The following GINM1 variants were observed in gnomAD, a reference collection of about 807,000 sequenced individuals.
GINM1 encodes glycosylated integral membrane protein 1, also known as glycoprotein integral membrane protein 1.
Under a neutral mutation model 37.8 loss-of-function variants are expected in GINM1, and 29 were observed. That is an observed-to-expected ratio of 0.77 (90% confidence interval 0.57 to 1.05). The LOEUF is 1.05. Among genes scored for constraint, GINM1 ranks in the 50% least tolerant of loss-of-function variants. The probability of loss-of-function intolerance (pLI) is 0.00; values close to 1 mark genes in which losing one functional copy is unlikely to be tolerated. For synonymous variants in GINM1, 143 were observed against 146.2 expected (o/e 0.98, Z 0.16); for missense variants, 377 against 397.9 (o/e 0.95, Z 0.45).
At chr6:149,579,399 A>C (rs2115059763) in intron 4 of GINM1, among the ~76,000 whole-genome samples, 1 of 152,344 alleles carries the variant, frequency 6.6e-6, no homozygotes, top group East Asian at 1.9e-4. Flanking sequence ...GGAAATAAAT[A>C]GTAATTGTTA....
chr6:149,584,824 T>TAGAG (rs201551544), intron 7 of GINM1, among the ~76,000 whole-genome samples: 1 of 149,392 alleles, frequency 6.7e-6, no homozygotes, highest in African/African-American at 2.5e-5. Context: ...TGTATATATA[T>TAGAG]ATAGAGAGAG....
rs1475998711 is a variant in GINM1, at chr6:149,579,001, A to G, written c.429+28A>G. ...AAGATAGTATGTTTATTAATTGGGAATTAAATGATATTTAGATTTGTGCTA... is the reference window on the plus strand; with the variant it reads ...AAGATAGTATGTTTATTAATTGGGAGTTAAATGATATTTAGATTTGTGCTA... On this transcript the variant is annotated intron_variant, in intron 4 of 7. Transcript: ENST00000367419. 3 of 1,343,632 alleles carry G rather than the reference A, an allele frequency of 2.2e-6. No individual in the cohort carries two copies. In the South Asian group the frequency reaches 3.9e-5, roughly 17 times the overall value. 83.2% of individuals were successfully genotyped at this position (1,343,632 alleles called of 1,614,324 possible). A position where few individuals can be genotyped will look rare whatever the true frequency, so the allele number is the denominator to read the frequency against.
At chr6:149,580,488 TA>T in intron 5 of GINM1, 104 bp from the exon 6 acceptor site, 1 of 1,009,548 alleles carries the variant, frequency 9.9e-7, no homozygotes, top group Non-Finnish European at 1.4e-6. Context: ...TCTCCCATGG[TA>T]AAATATGTGT....
intron 3 of GINM1, among the ~76,000 whole-genome samples, chr6:149,577,890 CA>C (rs1017271697): frequency 4.6e-5 from 7 of 152,196 alleles, no homozygotes; most frequent in Non-Finnish European, 8.8e-5. Context: ...GCAGCTACTA[CA>C]CCCCGTTTCT....
At chr6:149,576,781 GTTTTTTATTTAATT>G (rs1777921282) in intron 3 of GINM1, among the ~76,000 whole-genome samples, 1 of 152,096 alleles carries the variant, frequency 6.6e-6, no homozygotes, top group South Asian at 2.1e-4. Context: ...GGGCTTTGTT[GTTTTTTATTTAATT>G]TTATGCTGTA....
intron 7 of GINM1, among the ~76,000 whole-genome samples, chr6:149,583,958 C>G (rs188501915): frequency 6.6e-6 from 1 of 151,884 alleles, no homozygotes; most frequent in Non-Finnish European, 1.5e-5. Context: ...CAAGTTAAAT[C>G]AGTCGTTTTA....
At chr6:149,573,107 G>A (rs1777856245) in intron 3 of GINM1, among the ~76,000 whole-genome samples, 1 of 152,166 alleles carries the variant, frequency 6.6e-6, no homozygotes, top group South Asian at 2.1e-4. Flanking sequence ...CAGATCACGA[G>A]AGGTCAGGAG....
At chr6:149,569,249 T>A (rs1777771156) in intron 1 of GINM1, among the ~76,000 whole-genome samples, 1 of 151,494 alleles carries the variant, frequency 6.6e-6, no homozygotes, top group South Asian at 2.1e-4. Context: ...TTGGCTAGGT[T>A]GGTCTCGAAC....
intron 6 of GINM1, among the ~76,000 whole-genome samples, chr6:149,581,172 T>A (rs1041907320): frequency 2.0e-5 from 3 of 152,144 alleles, no homozygotes; most frequent in Non-Finnish European, 4.4e-5. Context: ...AAATTTTTTC[T>A]TTTTCTTTGA....
intron 1 of GINM1, among the ~76,000 whole-genome samples, chr6:149,567,975 A>G (rs1373246721): frequency 6.6e-6 from 1 of 152,262 alleles, no homozygotes; most frequent in Non-Finnish European, 1.5e-5. Flanking sequence ...ACGTCTATAT[A>G]ATCTGCGAAA....
intron 3 of GINM1, among the ~76,000 whole-genome samples, chr6:149,572,985 CTAAAT>C (rs1368045817): frequency 1.3e-5 from 2 of 152,076 alleles, no homozygotes; most frequent in Admixed American, 6.6e-5. Flanking sequence ...TTTAATAATA[CTAAAT>C]TAGCAAAACA....
intron 3 of GINM1, among the ~76,000 whole-genome samples, chr6:149,575,381 C>G (rs1406630495): frequency 6.6e-6 from 1 of 152,222 alleles, no homozygotes; most frequent in African/African-American, 2.4e-5. Context: ...GGAAGCATAG[C>G]TTAGCATTTT....
intron 7 of GINM1, among the ~76,000 whole-genome samples, chr6:149,590,044 C>G (rs1290610788): frequency 6.6e-6 from 1 of 152,290 alleles, no homozygotes; most frequent in East Asian, 1.9e-4. Context: ...CTCAAGTGAT[C>G]TGCCCGCCTT....
At chr6:149,571,692 C>T (rs777600879) in intron 1 of GINM1, among the ~76,000 whole-genome samples, 18 of 151,906 alleles carry the variant, frequency 1.2e-4, no homozygotes, top group African/African-American at 4.1e-4. Context: ...ATTTTATCCT[C>T]GGTGGTACTT....
rs569069339 is a variant in GINM1 at position 149,575,421 on chromosome 6, C to T, written c.277+2818C>T. On this transcript the variant is annotated intron_variant, in intron 3 of 7. Coordinates refer to ENST00000367419, the MANE Select transcript of GINM1 (RefSeq NM_138785.5). ...TTAACATTTAAACACTTCATTTTCT[C>T]CCCTGCTGGGTGAGACTGCCAGACA... 4.6e-5 allele frequency among the ~76,000 whole-genome samples: 7 copies of T among 152,344 alleles called. No individual in the cohort carries two copies. The East Asian group carries it at 1.3e-3, about 29-fold the overall frequency.
intron 7 of GINM1, among the ~76,000 whole-genome samples, chr6:149,585,905 A>T (rs760437642): frequency 1.3e-5 from 2 of 152,232 alleles, no homozygotes; most frequent in Admixed American, 6.5e-5. Context: ...TTGTTCTTAA[A>T]TTACTAATTT....
intron 3 of GINM1, among the ~76,000 whole-genome samples, chr6:149,575,564 G>A (rs539883698): frequency 2.2e-4 from 34 of 152,316 alleles, no homozygotes; most frequent in Admixed American, 7.2e-4. Context: ...ATAGGATATT[G>A]TACTCACCTC....
At position 149,591,627 on chromosome 6, in the gene GINM1, G is replaced by A. The variant is rs1778156297; in HGVS notation, c.*789G>A. 1 of 151,738 alleles carries A rather than the reference G, an allele frequency of 6.6e-6. No homozygotes were observed. Among genetic ancestry groups the A allele is most frequent in the African/African-American group, 2.4e-5 (1 of 41,272 alleles). The allele number at this position is 151,738 out of a possible 1,614,324, so 9.4% of individuals were successfully genotyped here. A position where few individuals can be genotyped will look rare whatever the true frequency, so the allele number is the denominator to read the frequency against. Reference sequence around the variant, plus strand: ...TGACTCAGTATAAAATCACTGAAGTGTATCATGATTTGATTGTATCCTGTA... The same window carrying A: ...TGACTCAGTATAAAATCACTGAAGTATATCATGATTTGATTGTATCCTGTA... On this transcript the variant is annotated 3_prime_UTR_variant, in exon 8 of 8. Coordinates refer to ENST00000367419, the MANE Select transcript of GINM1 (RefSeq NM_138785.5).
At chr6:149,579,622 G>A (rs1410652235) in intron 4 of GINM1, among the ~76,000 whole-genome samples, 1 of 151,880 alleles carries the variant, frequency 6.6e-6, no homozygotes, top group African/African-American at 2.4e-5. Flanking sequence ...AACCCAGAAG[G>A]CGGAGGTTGC....
Sources: gnomAD v4.1 joint callset for allele counts (sites outside exome capture counted in the v4.1 genomes callset) on GRCh38, gnomAD v4.1.1 for gene constraint, MANE v1.5 for transcripts, NCBI Gene and HGNC (gene_info 2026-07-23, HGNC 2026-07-21) for gene names.